Variants in FAF1 observed in about 807,000 individuals in gnomAD.
FAF1 encodes the protein FAS-associated factor 1.
A neutral mutation model predicts 92.5 loss-of-function variants in FAF1; 25 were observed. The observed-to-expected ratio is 0.27, with a 90% confidence interval of 0.20 to 0.38. FAF1 has a LOEUF of 0.38. Among genes scored for constraint, FAF1 ranks in the 10% least tolerant of loss-of-function variants. The pLI is 1.00. For synonymous variants in FAF1, 234 were observed against 273.2 expected (o/e 0.86, Z 1.42); for missense variants, 636 against 793.3 (o/e 0.80, Z 2.38).
At position 50,916,502 on chromosome 1, in the gene FAF1, GTGCTTTCTCAGAGTTCTAGA is replaced by G. The variant is rs1157136206; in HGVS notation, c.45+43245_45+43264del. On this transcript the variant is annotated intron_variant, in intron 1 of 18. Transcript: ENST00000396153. ...CCTCCTCCTAATGGACAAGTTGAAA[GTGCTTTCTCAGAGTTCTAGA>G]GCCCCACTTCCTCAGGAGCCTCAAT... 3.3e-5 allele frequency among the ~76,000 whole-genome samples: 5 copies of G among 152,330 alleles called. 1 individual carries two copies. In the East Asian group the frequency reaches 9.6e-4, roughly 29 times the overall value.
intron 13 of FAF1, among the ~76,000 whole-genome samples, chr1:50,559,609 C>T (rs542281169): frequency 2.0e-5 from 3 of 152,282 alleles, no homozygotes; most frequent in South Asian, 2.1e-4. Context: ...GCTGGCAGAA[C>T]GCAAACCTTG....
intron 3 of FAF1, among the ~76,000 whole-genome samples, chr1:50,789,602 A>G (rs1661493994): frequency 6.6e-6 from 1 of 151,948 alleles, no homozygotes; most frequent in African/African-American, 2.4e-5. Flanking sequence ...AGCCACAATT[A>G]CCTCCTGTAT....
intron 1 of FAF1, among the ~76,000 whole-genome samples, chr1:50,910,581 A>G (rs1376577336): frequency 6.6e-6 from 1 of 152,112 alleles, no homozygotes; most frequent in East Asian, 1.9e-4. Flanking sequence ...AAGCCTCAGC[A>G]ATGGCGGACG....
chr1:50,628,444 C>A (rs932035364), intron 8 of FAF1, among the ~76,000 whole-genome samples: 3 of 152,138 alleles, frequency 2.0e-5, no homozygotes, highest in South Asian at 2.1e-4. Flanking sequence ...CCTGTCTCTG[C>A]GGCCTTGGAC....
chr1:50,556,413 T>C (rs1649584555), intron 13 of FAF1, among the ~76,000 whole-genome samples: 1 of 151,952 alleles, frequency 6.6e-6, no homozygotes, highest in African/African-American at 2.4e-5. Context: ...AGGTAAGGAA[T>C]GAAAAATTAC....
intron 8 of FAF1, among the ~76,000 whole-genome samples, chr1:50,648,234 G>T (rs1461544186): frequency 1.3e-5 from 2 of 152,052 alleles, no homozygotes; most frequent in Non-Finnish European, 1.5e-5. Flanking sequence ...CTCCAGCCTG[G>T]GTGACAAGAG....
intron 1 of FAF1, among the ~76,000 whole-genome samples, chr1:50,915,185 A>T (rs923054597): frequency 2.0e-5 from 3 of 152,174 alleles, no homozygotes; most frequent in African/African-American, 7.2e-5. Context: ...AGCTTGATCA[A>T]CATGGAGAAA....
chr1:50,729,351 G>A (rs752183008), intron 6 of FAF1, among the ~76,000 whole-genome samples: 11 of 146,100 alleles, frequency 7.5e-5, no homozygotes, highest in Non-Finnish European at 1.1e-4. Flanking sequence ...CACCACGCCC[G>A]GCCTATCTAC....
intron 1 of FAF1, among the ~76,000 whole-genome samples, chr1:50,934,584 C>T (rs138919673): frequency 1.1e-4 from 16 of 152,200 alleles, no homozygotes; most frequent in African/African-American, 3.9e-4. Context: ...ATTAGCCAAG[C>T]ATGGTGGTGC....
At chr1:50,612,881 T>A (rs1000450273) in intron 8 of FAF1, among the ~76,000 whole-genome samples, 2 of 152,192 alleles carry the variant, frequency 1.3e-5, no homozygotes, top group Non-Finnish European at 2.9e-5. Context: ...TTAAAACCGT[T>A]ATTGTGAAGC....
intron 3 of FAF1, among the ~76,000 whole-genome samples, chr1:50,791,173 A>C (rs1442062231): frequency 6.6e-6 from 1 of 152,216 alleles, no homozygotes; most frequent in Non-Finnish European, 1.5e-5. Flanking sequence ...GAACCAAGAA[A>C]ATGTCCAAAG....
rs539620885 is a variant in FAF1 at position 50,626,605 on chromosome 1, G to A, written c.744+28837C>T. Among the ~76,000 whole-genome samples the A allele has an allele frequency of 2.0e-5, 3 of 152,272 alleles. No individual in the cohort carries two copies. The South Asian group carries it at 6.2e-4, about 32-fold the overall frequency. ...CAAGAAGTAAGACTACTTTGCAGAA[G>A]TAAGCAAGAATCAGACTATGCAGTG... On this transcript the variant is annotated intron_variant, in intron 8 of 18. Coordinates refer to ENST00000396153, the MANE Select transcript of FAF1 (RefSeq NM_007051.3).
At chr1:50,533,916 T>C (rs192093299) in intron 15 of FAF1, among the ~76,000 whole-genome samples, 40 of 152,332 alleles carry the variant, frequency 2.6e-4, no homozygotes, top group Admixed American at 1.1e-3. Flanking sequence ...CTACCAGCTA[T>C]ATGGCCTTGG....
intron 17 of FAF1, among the ~76,000 whole-genome samples, chr1:50,479,404 C>T (rs1389539202): frequency 2.6e-5 from 4 of 152,212 alleles, no homozygotes; most frequent in African/African-American, 9.7e-5. Context: ...GGCGCTGTCC[C>T]TGACGCCACT....
chr1:50,903,253 C>A (rs949659359), intron 1 of FAF1, among the ~76,000 whole-genome samples: 5 of 152,192 alleles, frequency 3.3e-5, no homozygotes, highest in African/African-American at 4.8e-5. Flanking sequence ...CAAGATATTT[C>A]ATTAACTAAA....
At chr1:50,667,775 T>C (rs1557465031) in intron 7 of FAF1, among the ~76,000 whole-genome samples, 1 of 152,132 alleles carries the variant, frequency 6.6e-6, no homozygotes, top group Non-Finnish European at 1.5e-5. Context: ...AGAAAAAAGA[T>C]TTTTTTTCCT....
Position 50,600,197 on chromosome 1 carries a change from T to A in FAF1, c.745-3981A>T, listed in dbSNP as rs12088232. ...TAAAAACTATCAGCCATCATGAGCT[T>A]GACAGCTTCTCAATGCTTAAAGCCT... On this transcript the variant is annotated intron_variant, in intron 8 of 18. Coordinates refer to ENST00000396153, the MANE Select transcript of FAF1 (RefSeq NM_007051.3). 9.9e-3 allele frequency among the ~76,000 whole-genome samples: 1,513 copies of A among 152,320 alleles called. 23 individuals are homozygous for A. The highest frequency in any genetic ancestry group is 0.034 in the African/African-American group (1,434 of 41,578).
intron 15 of FAF1, among the ~76,000 whole-genome samples, chr1:50,506,116 T>TG (rs1258005384): frequency 6.6e-6 from 1 of 152,208 alleles, no homozygotes; most frequent in African/African-American, 2.4e-5. Context: ...AAAGGAATAA[T>TG]GGACAGGTTT....
chr1:50,622,242 G>A (rs564407681), intron 8 of FAF1, among the ~76,000 whole-genome samples: 50 of 151,954 alleles, frequency 3.3e-4, no homozygotes, highest in African/African-American at 1.1e-3. Flanking sequence ...TAAAGGGTCC[G>A]CCGTAGCTAG....
Sources: gnomAD v4.1 joint callset for allele counts (sites outside exome capture counted in the v4.1 genomes callset) on GRCh38, gnomAD v4.1.1 for gene constraint, MANE v1.5 for transcripts, NCBI Gene and HGNC (gene_info 2026-07-23, HGNC 2026-07-21) for gene names.